Variants in NAALADL2 observed in about 807,000 individuals in gnomAD.
The protein encoded by NAALADL2 is inactive N-acetylated-alpha-linked acidic dipeptidase-like protein 2.
In NAALADL2, 76 loss-of-function variants were observed where a neutral mutation model predicts 87.2. That is an observed-to-expected ratio of 0.87 (90% CI 0.72 to 1.05). NAALADL2 has a LOEUF of 1.05. Among genes scored for constraint, NAALADL2 ranks in the 50% least tolerant of loss-of-function variants. The pLI, the probability that NAALADL2 is intolerant of heterozygous loss-of-function variation, is 0.00. For missense variants in NAALADL2, 1,089 were observed against 945.8 expected (o/e 1.15, Z -1.99); for synonymous variants, 354 against 331.0 (o/e 1.07, Z -0.75).
At chr3:175,734,775 T>G (rs186877425) in intron 11 of NAALADL2, among the ~76,000 whole-genome samples, 103 of 152,292 alleles carry the variant, frequency 6.8e-4, no homozygotes, top group Admixed American at 1.4e-3. Context: ...AGAGGGACCC[T>G]GGGCCTGGCC....
chr3:175,662,056 A>C (rs1456193872), intron 11 of NAALADL2, among the ~76,000 whole-genome samples: 1 of 151,812 alleles, frequency 6.6e-6, no homozygotes, highest in Non-Finnish European at 1.5e-5. Flanking sequence ...TTTTCATTGA[A>C]GCTGTAGATT....
intron 2 of NAALADL2, among the ~76,000 whole-genome samples, chr3:174,566,768 A>G (rs1327928270): frequency 7.1e-6 from 1 of 141,836 alleles, no homozygotes; most frequent in Non-Finnish European, 1.6e-5. Context: ...CTCTTGTTTC[A>G]TTTTCAATTT....
chr3:174,723,469 G>A (rs1731881525), intron 2 of NAALADL2, among the ~76,000 whole-genome samples: 1 of 152,068 alleles, frequency 6.6e-6, no homozygotes, highest in African/African-American at 2.4e-5. Context: ...GAAATGCCCA[G>A]ATAGGGCTGG....
At chr3:175,534,090 A>T (rs1379948748) in intron 9 of NAALADL2, among the ~76,000 whole-genome samples, 1 of 151,666 alleles carries the variant, frequency 6.6e-6, no homozygotes, top group African/African-American at 2.4e-5. Flanking sequence ...GCCAAGGATT[A>T]TCAGTGTTCT....
At chr3:174,562,147 T>C (rs1713699132) in intron 2 of NAALADL2, among the ~76,000 whole-genome samples, 1 of 152,182 alleles carries the variant, frequency 6.6e-6, no homozygotes, top group Non-Finnish European at 1.5e-5. Context: ...AATTATATCT[T>C]TGTAATTTCA....
chr3:175,372,512 G>A (rs376926860), intron 5 of NAALADL2, among the ~76,000 whole-genome samples: 7 of 152,236 alleles, frequency 4.6e-5, no homozygotes, highest in African/African-American at 1.4e-4. Context: ...TTTTCCTCAT[G>A]GTTGCTGATA....
intron 5 of NAALADL2, among the ~76,000 whole-genome samples, chr3:175,442,070 G>A (rs1037176939): frequency 1.3e-5 from 2 of 152,044 alleles, no homozygotes; most frequent in Non-Finnish European, 2.9e-5. Context: ...GCCTCCTCCT[G>A]AGTAGCTGGG....
intron 3 of NAALADL2, among the ~76,000 whole-genome samples, chr3:174,759,206 C>A (rs1712564456): frequency 6.6e-6 from 1 of 152,164 alleles, no homozygotes; most frequent in Non-Finnish European, 1.5e-5. Context: ...AATGGCTGCA[C>A]TGAATGCTGT....
intron 3 of NAALADL2, among the ~76,000 whole-genome samples, chr3:174,784,143 G>C (rs562203466): frequency 6.6e-6 from 1 of 152,108 alleles, no homozygotes; most frequent in Non-Finnish European, 1.5e-5. Context: ...TCTGCAACAC[G>C]TATTTTTTAC....
intron 13 of NAALADL2, among the ~76,000 whole-genome samples, chr3:175,761,832 T>A (rs1389862507): frequency 6.6e-6 from 1 of 152,206 alleles, no homozygotes; most frequent in Non-Finnish European, 1.5e-5. Flanking sequence ...CTTTCGCCCA[T>A]TTTTAAAATT....
At chr3:175,243,126 T>C (rs901086565) in intron 3 of NAALADL2, among the ~76,000 whole-genome samples, 10 of 148,812 alleles carry the variant, frequency 6.7e-5, no homozygotes, top group African/African-American at 2.5e-4. Context: ...AATTTTCTAA[T>C]AACTGGAGTT....
chr3:175,232,239 A>AGAGGAAGAAGAAAGAAGAAG (rs1560200698), intron 2 of NAALADL2, among the ~76,000 whole-genome samples: 27 of 112,956 alleles, frequency 2.4e-4, no homozygotes, highest in African/African-American at 8.0e-4. Flanking sequence ...AGGAAGAGGA[A>AGAGGAAGAAGAAAGAAGAAG]GAAGAAAGAA....
Position 175,642,186 on chromosome 3 carries a change from T to C in NAALADL2, c.1896+14800T>C, listed in dbSNP as rs182019355. On this transcript the variant is annotated intron_variant, in intron 11 of 13. Coordinates refer to ENST00000454872, the MANE Select transcript of NAALADL2 (RefSeq NM_207015.3). Reference sequence around the variant, plus strand: ...CATTTTTGAATGTTTTCATCTCCTCTAAATGCATCCTTAAACAATATACTA... The same window carrying C: ...CATTTTTGAATGTTTTCATCTCCTCCAAATGCATCCTTAAACAATATACTA... Among the ~76,000 whole-genome samples the C allele has an allele frequency of 2.4e-3, 360 of 152,334 alleles. 3 individuals are homozygous for C. Among genetic ancestry groups the C allele is most frequent in the African/African-American group, 8.4e-3 (351 of 41,586 alleles).
intron 1 of NAALADL2, among the ~76,000 whole-genome samples, chr3:175,068,241 A>T (rs1714915249): frequency 6.6e-6 from 1 of 152,220 alleles, no homozygotes; most frequent in East Asian, 1.9e-4. Flanking sequence ...TGAATCTAAA[A>T]GAAAAGTTGA....
intron 4 of NAALADL2, among the ~76,000 whole-genome samples, chr3:175,276,715 T>C (rs1015777827): frequency 1.3e-5 from 2 of 152,198 alleles, no homozygotes; most frequent in Non-Finnish European, 2.9e-5. Context: ...ATTATACTAC[T>C]ACCTTTATAA....
chr3:175,758,430 A>G lies in NAALADL2; in HGVS notation c.2189+3012A>G, dbSNP rs1192151542. On this transcript the variant is annotated intron_variant, in intron 13 of 13. Transcript: ENST00000454872. ...TTAATTTATGTGTGTATACCTATAT[A>G]TACTATAGCAGTGTAAATAGATTAG... Among the ~76,000 whole-genome samples the G allele has an allele frequency of 3.3e-5, 5 of 151,766 alleles. No homozygotes were observed. The East Asian group carries it at 9.6e-4, about 29-fold the overall frequency.
At chr3:175,224,455 A>G (rs906450005) in intron 2 of NAALADL2, among the ~76,000 whole-genome samples, 7 of 152,266 alleles carry the variant, frequency 4.6e-5, no homozygotes, top group Middle Eastern at 6.8e-3. Context: ...ATGTGTTAAT[A>G]TGTATAAGAT....
In NAALADL2 at chr3:174,467,149, A is replaced by G. The variant is rs1255629510; in HGVS notation, c.-184+26117A>G. ...ATTGCTAATGGGAGTAAAAAGTATCAGTTCTTTGGAAAGCAGTTTATTAAT... is the reference window on the plus strand; with the variant it reads ...ATTGCTAATGGGAGTAAAAAGTATCGGTTCTTTGGAAAGCAGTTTATTAAT... On this transcript the variant is annotated intron_variant, in intron 1 of 3. Coordinates refer to the NAALADL2 transcript ENST00000434257. Among the ~76,000 whole-genome samples the G allele has an allele frequency of 2.6e-5, 4 of 152,224 alleles. No homozygotes were observed. In the East Asian group the frequency reaches 5.8e-4, roughly 22 times the overall value.
At chr3:175,136,734 T>C (rs1255099362) in intron 2 of NAALADL2, among the ~76,000 whole-genome samples, 1 of 152,202 alleles carries the variant, frequency 6.6e-6, no homozygotes, top group Non-Finnish European at 1.5e-5. Context: ...GAAGGCTTGA[T>C]TGATGTAGGG....
Sources: gnomAD v4.1 joint callset for allele counts (sites outside exome capture counted in the v4.1 genomes callset) on GRCh38, gnomAD v4.1.1 for gene constraint, MANE v1.5 for transcripts, NCBI Gene and HGNC (gene_info 2026-07-23, HGNC 2026-07-21) for gene names.